IGFBP7: variants seen among roughly 807,000 people sequenced by gnomAD.
IGFBP7 encodes the protein insulin-like growth factor-binding protein 7.
IGFBP7 carries 31 observed loss-of-function variants against 29.4 expected under a neutral mutation model. The observed-to-expected ratio is 1.05, with a 90% CI of 0.79 to 1.42. The LOEUF (loss-of-function observed/expected upper bound fraction) is 1.42. IGFBP7 is among the 40% of genes most tolerant of loss of function. IGFBP7 has a pLI of 0.00. For synonymous variants in IGFBP7, 172 were observed against 174.9 expected (o/e 0.98, Z 0.13); for missense variants, 393 against 395.5 (o/e 0.99, Z 0.05).
chr4:57,055,554 C>A (rs1377049128), intron 1 of IGFBP7, among the ~76,000 whole-genome samples: 1 of 152,102 alleles, frequency 6.6e-6, no homozygotes. Context: ...TTGAGAAAAT[C>A]CAGTGGGCTG....
At chr4:57,046,430 G>T (rs1039747087) in intron 1 of IGFBP7, among the ~76,000 whole-genome samples, 2 of 152,090 alleles carry the variant, frequency 1.3e-5, no homozygotes, top group African/African-American at 4.8e-5. Context: ...GGCAGATCGA[G>T]AATTTATTTC....
chr4:57,062,476 T>C (rs548784815), intron 1 of IGFBP7, among the ~76,000 whole-genome samples: 2 of 152,314 alleles, frequency 1.3e-5, no homozygotes, highest in South Asian at 2.1e-4. Flanking sequence ...ATCTGAGTGG[T>C]TCTGGATAAG....
intron 3 of IGFBP7, 48 bp downstream of exon 3, chr4:57,033,147 C>T (rs1362222051): frequency 7.6e-7 from 1 of 1,317,704 alleles, no homozygotes; most frequent in Non-Finnish European, 1.1e-6. Context: ...CTGCTTATGT[C>T]TAATGCTAAG....
Position 57,093,267 on chromosome 4 carries a change from G to A in IGFBP7, c.475+16610C>T, listed in dbSNP as rs973954387. Among the ~76,000 whole-genome samples, 12 of 152,184 alleles carry A rather than the reference G, an allele frequency of 7.9e-5. No homozygotes were observed. The South Asian group carries it at 1.0e-3, about 13-fold the overall frequency. On this transcript the variant is annotated intron_variant, in intron 1 of 4. Coordinates refer to ENST00000295666, the MANE Select transcript of IGFBP7 (RefSeq NM_001553.3). ...TATAATCCCAGCACTTTGGGAGACC[G>A]AGGCGGGCGGATCACTTGAGGTCAG... is the stretch of plus-strand genomic sequence containing the variant.
chr4:57,036,662 T>A (rs139884511), intron 2 of IGFBP7, among the ~76,000 whole-genome samples: 7 of 152,302 alleles, frequency 4.6e-5, no homozygotes, highest in African/African-American at 1.7e-4. Flanking sequence ...CTTTCCTTAC[T>A]ACCAGTAAGG....
chr4:57,059,565 G>A (rs1477085969), intron 1 of IGFBP7, among the ~76,000 whole-genome samples: 2 of 152,120 alleles, frequency 1.3e-5, no homozygotes, highest in Non-Finnish European at 2.9e-5. Flanking sequence ...TGAACGCAAA[G>A]AGGGGAACAA....
chr4:57,045,554 G>A (rs550571742), intron 1 of IGFBP7, among the ~76,000 whole-genome samples: 13 of 152,146 alleles, frequency 8.5e-5, no homozygotes, highest in Admixed American at 5.2e-4. Context: ...ACATGGAGGC[G>A]GGTTGGCCTC....
At chr4:57,073,511 C>G (rs1299011339) in intron 1 of IGFBP7, among the ~76,000 whole-genome samples, 1 of 151,748 alleles carries the variant, frequency 6.6e-6, no homozygotes, top group Non-Finnish European at 1.5e-5. Context: ...GGGAGGATTG[C>G]TCAAGCCAGA....
chr4:57,034,301 G>A (rs1464162396), intron 2 of IGFBP7, among the ~76,000 whole-genome samples: 2 of 151,646 alleles, frequency 1.3e-5, no homozygotes, highest in African/African-American at 4.8e-5. Flanking sequence ...TATACATTTA[G>A]CAGCTGAGTT....
At chr4:57,058,706 A>C (rs1724730138) in intron 1 of IGFBP7, among the ~76,000 whole-genome samples, 1 of 152,240 alleles carries the variant, frequency 6.6e-6, no homozygotes, top group Non-Finnish European at 1.5e-5. Flanking sequence ...TTCATGACAA[A>C]GACACCAAAA....
chr4:57,089,688 C>T (rs972199358), intron 1 of IGFBP7, among the ~76,000 whole-genome samples: 3 of 152,268 alleles, frequency 2.0e-5, no homozygotes, highest in East Asian at 1.9e-4. Context: ...ACAATGTAGC[C>T]GGCTGACTCA....
At chr4:57,037,403 A>C (rs545155956) in intron 2 of IGFBP7, among the ~76,000 whole-genome samples, 1 of 148,976 alleles carries the variant, frequency 6.7e-6, no homozygotes, top group African/African-American at 2.5e-5. Flanking sequence ...CAGAGACAGG[A>C]TCTTGCTCTG....
chr4:57,102,229 G>A (rs554028578), intron 1 of IGFBP7, among the ~76,000 whole-genome samples: 23 of 152,130 alleles, frequency 1.5e-4, no homozygotes, highest in African/African-American at 5.3e-4. Flanking sequence ...CTATCCAAGA[G>A]AGCCTTATAA....
intron 1 of IGFBP7, among the ~76,000 whole-genome samples, chr4:57,059,708 C>T (rs1206826902): frequency 6.6e-6 from 1 of 152,022 alleles, no homozygotes; most frequent in African/African-American, 2.4e-5. Flanking sequence ...ACGAGTTTAC[C>T]TATGTAACAA....
intron 1 of IGFBP7, among the ~76,000 whole-genome samples, chr4:57,078,974 A>G (rs1037373649): frequency 6.6e-6 from 1 of 152,192 alleles, no homozygotes; most frequent in Admixed American, 6.5e-5. Flanking sequence ...CTCTGGCTCA[A>G]TTCAATACCT....
At chr4:57,093,560 C>A (rs1255622422) in intron 1 of IGFBP7, among the ~76,000 whole-genome samples, 2 of 151,422 alleles carry the variant, frequency 1.3e-5, no homozygotes, top group Admixed American at 6.6e-5. Flanking sequence ...AAACTTCTGA[C>A]AATTGTTAGA....
Position 57,101,161 on chromosome 4 carries a change from G to A in IGFBP7, c.475+8716C>T, listed in dbSNP as rs1040820125. ...TTGACCTTCTCAATAATCCTGTGAA[G>A]GTATGAAATTGTACCTTCATTTATT... On this transcript the variant is annotated intron_variant, in intron 1 of 4. Transcript: ENST00000295666. 1.3e-5 allele frequency among the ~76,000 whole-genome samples: 2 copies of A among 152,188 alleles called. 1 individual carries two copies. Among genetic ancestry groups the A allele is most frequent in the Non-Finnish European group, 2.9e-5 (2 of 68,034 alleles).
intron 1 of IGFBP7, among the ~76,000 whole-genome samples, chr4:57,105,945 T>C (rs1463362925): frequency 1.3e-5 from 2 of 151,556 alleles, no homozygotes; most frequent in African/African-American, 2.4e-5. Context: ...CTTGCTCTTT[T>C]GCCCAGGCAG....
chr4:57,079,750 T>C (rs995069551), intron 1 of IGFBP7, among the ~76,000 whole-genome samples: 7 of 152,216 alleles, frequency 4.6e-5, no homozygotes, highest in Non-Finnish European at 1.0e-4. Context: ...TAACAGCGCT[T>C]TTCCTATCAC....
Sources: gnomAD v4.1 joint callset for allele counts (sites outside exome capture counted in the v4.1 genomes callset) on GRCh38, gnomAD v4.1.1 for gene constraint, MANE v1.5 for transcripts, NCBI Gene and HGNC (gene_info 2026-07-23, HGNC 2026-07-21) for gene names.